PCDHGA2: variants seen among roughly 807,000 people sequenced by gnomAD.
PCDHGA2 encodes the protein protocadherin gamma-A2.
A neutral mutation model predicts 59.2 loss-of-function variants in PCDHGA2; 40 were observed. That is an observed-to-expected ratio of 0.68 (90% CI 0.52 to 0.88). PCDHGA2 has a LOEUF of 0.88. Ranked by LOEUF, PCDHGA2 falls within the 40% of genes least tolerant of loss-of-function variation. PCDHGA2 has a pLI of 0.00. For synonymous variants in PCDHGA2, 560 were observed against 526.0 expected (o/e 1.06, Z -0.89); for missense variants, 1,226 against 1,204.0 (o/e 1.02, Z -0.27).
chr5:141,491,564 G>A lies in PCDHGA2; in HGVS notation c.2425-3243G>A, dbSNP rs2099721154. On this transcript the variant is annotated intron_variant, in intron 1 of 3. Coordinates refer to ENST00000394576, the MANE Select transcript of PCDHGA2 (RefSeq NM_018915.4). The surrounding 1 kb of genome is among the most constrained non-coding windows in gnomAD (Gnocchi z 6.9). Reference sequence around the variant, plus strand: ...ACAGACTCGCAGAGCCACTGCTACAGGACGTGCTTTTCACCGGCCTCGGAC... The same window carrying A: ...ACAGACTCGCAGAGCCACTGCTACAAGACGTGCTTTTCACCGGCCTCGGAC... The A allele has an allele frequency of 3.1e-6, 5 of 1,613,878 alleles. No individual in the cohort carries two copies. Among genetic ancestry groups the A allele is most frequent in the Non-Finnish European group, 8.5e-7 (1 of 1,180,042 alleles).
intron 1 of PCDHGA2, chr5:141,388,455 T>C: frequency 6.2e-7 from 1 of 1,613,784 alleles, no homozygotes; most frequent in South Asian, 1.1e-5. Flanking sequence ...TGGCAGTAAA[T>C]ACCCTGAGAT....
chr5:141,399,682 G>A (rs778817737), intron 1 of PCDHGA2: 14 of 1,613,512 alleles, frequency 8.7e-6, no homozygotes, highest in Non-Finnish European at 1.2e-5. Flanking sequence ...CTTTGACTAC[G>A]AGCAGCTGCG....
chr5:141,405,238 C>T, intron 1 of PCDHGA2: 1 of 1,614,168 alleles, frequency 6.2e-7, no homozygotes, highest in African/African-American at 1.3e-5. Flanking sequence ...TCACCGCTGA[C>T]TCAAGGAAGA....
chr5:141,389,930 C>T (rs1255366269), intron 1 of PCDHGA2: 1 of 1,614,064 alleles, frequency 6.2e-7, no homozygotes. Context: ...CCTCTGACCT[C>T]CAGGCTGAGC....
chr5:141,400,965 CTCTT>C (rs2094096418), intron 1 of PCDHGA2, among the ~76,000 whole-genome samples: 1 of 151,032 alleles, frequency 6.6e-6, no homozygotes, highest in Non-Finnish European at 1.5e-5. Flanking sequence ...TAGTTTTCAT[CTCTT>C]TCTTATGTTC....
chr5:141,486,522 A>G lies in PCDHGA2; in HGVS notation c.2425-8285A>G. 1 of 1,614,174 alleles carries G rather than the reference A, an allele frequency of 6.2e-7. No homozygotes were observed. Among genetic ancestry groups the G allele is most frequent in the Non-Finnish European group, 8.5e-7 (1 of 1,180,024 alleles). On this transcript the variant is annotated intron_variant, in intron 1 of 3. Transcript: ENST00000394576. The surrounding 1 kb of genome is among the most constrained non-coding windows in gnomAD (Gnocchi z 5.0). The stretch of plus-strand genomic sequence containing the variant: ...TTCCTCAATATTTCAGATGTGAATG[A>G]TAATCCACCCTCTTTCTTTCAGAGG...
chr5:141,428,131 G>T, intron 1 of PCDHGA2: 1 of 1,602,720 alleles, frequency 6.2e-7, no homozygotes, highest in Non-Finnish European at 8.5e-7. Flanking sequence ...GGGCTTTTCA[G>T]CCTGGGGCTG....
At position 141,487,198 on chromosome 5, in the gene PCDHGA2, T is replaced by A; in HGVS notation, c.2425-7609T>A. The A allele has an allele frequency of 1.2e-6, 2 of 1,613,854 alleles. No individual in the cohort carries two copies. The highest frequency in any genetic ancestry group is 1.7e-6 in the Non-Finnish European group (2 of 1,179,722). ...AAGACACTCATCCAGTTGTCCCAGATCTTCGAGAATCTTCAGCTCCAAGGG... is the reference window on the plus strand; with the variant it reads ...AAGACACTCATCCAGTTGTCCCAGAACTTCGAGAATCTTCAGCTCCAAGGG... On this transcript the variant is annotated intron_variant, in intron 1 of 3. Transcript: ENST00000394576. The surrounding 1 kb of genome is among the most constrained non-coding windows in gnomAD (Gnocchi z 5.0).
Position 141,383,719 on chromosome 5 carries a change from A to C in PCDHGA2, c.2424+42324A>C, listed in dbSNP as rs779948364. The C allele has an allele frequency of 6.2e-6, 10 of 1,613,982 alleles. No individual in the cohort carries two copies. The East Asian group carries it at 2.2e-4, about 36-fold the overall frequency. ...TGCTATCGACCTGGACGAGGGAGTCAATGGGGAAGTGACATATTCTTTTCG... is the reference window on the plus strand; with the variant it reads ...TGCTATCGACCTGGACGAGGGAGTCCATGGGGAAGTGACATATTCTTTTCG... On this transcript the variant is annotated intron_variant, in intron 1 of 3. Transcript: ENST00000394576.
intron 1 of PCDHGA2, among the ~76,000 whole-genome samples, chr5:141,386,902 G>A (rs2090736648): frequency 6.6e-6 from 1 of 152,206 alleles, no homozygotes; most frequent in Non-Finnish European, 1.5e-5. Flanking sequence ...TCAATTCAGA[G>A]GTCACCAAGG....
chr5:141,439,190 CA>C (rs200519543), intron 1 of PCDHGA2, among the ~76,000 whole-genome samples: 2,445 of 111,432 alleles, frequency 0.022, 39 homozygotes, highest in African/African-American at 0.057. Flanking sequence ...GAGACTCTGA[CA>C]AAAAAAAAAA....
chr5:141,497,374 T>C (rs2099776044), intron 2 of PCDHGA2, among the ~76,000 whole-genome samples: 1 of 152,112 alleles, frequency 6.6e-6, no homozygotes, highest in Non-Finnish European at 1.5e-5. Flanking sequence ...ATGTGTCCTC[T>C]GGGGTGAGCA....
chr5:141,394,158 C>G lies in PCDHGA2; in HGVS notation c.2424+52763C>G, dbSNP rs777816337. 1.2e-5 allele frequency: 19 copies of G among 1,613,726 alleles called. No homozygotes were observed. The Admixed American group carries it at 2.0e-4, about 17-fold the overall frequency. On this transcript the variant is annotated intron_variant, in intron 1 of 3. Transcript: ENST00000394576. ...GCACGTGGCAGACATTAACGACAAC[C>G]CTCCTACTTTCCCTCATGCCTCCTA...
intron 3 of PCDHGA2, chr5:141,508,179 AG>A (rs1250335236): frequency 1.3e-5 from 2 of 152,326 alleles, no homozygotes; most frequent in Non-Finnish European, 2.9e-5. Flanking sequence ...ACAGGAGAGA[AG>A]GCATCACCCC....
chr5:141,393,453 G>A lies in PCDHGA2; in HGVS notation c.2424+52058G>A, dbSNP rs373805221. On this transcript the variant is annotated intron_variant, in intron 1 of 3. Coordinates refer to ENST00000394576, the MANE Select transcript of PCDHGA2 (RefSeq NM_018915.4). ...GGCTGCTCACCACCTGGTCCTCACGGCCTCGGATGGCGGCAAGCCGCCTCG... is the reference window on the plus strand; with the variant it reads ...GGCTGCTCACCACCTGGTCCTCACGACCTCGGATGGCGGCAAGCCGCCTCG... 113 of 1,613,920 alleles carry A rather than the reference G, an allele frequency of 7.0e-5. 1 individual carries two copies. The highest frequency in any genetic ancestry group is 8.9e-5 in the Non-Finnish European group (105 of 1,179,908).
intron 1 of PCDHGA2, chr5:141,418,561 T>C: frequency 1.2e-6 from 2 of 1,614,006 alleles, no homozygotes; most frequent in Non-Finnish European, 1.7e-6. Context: ...TGGTAATAGA[T>C]GCCAATGACA....
intron 1 of PCDHGA2, chr5:141,364,956 A>G: frequency 1.2e-6 from 2 of 1,613,264 alleles, no homozygotes; most frequent in Non-Finnish European, 1.7e-6. Flanking sequence ...ACTGTTCACG[A>G]CCTCCTCCTC....
rs777925358 is a variant in PCDHGA2 at position 141,477,657 on chromosome 5, G to T, written c.2425-17150G>T. ...GTGGGTCGCTATTTCACAATAAATC[G>T]TGACAATGGCATAGTGTCATCCTTA... On this transcript the variant is annotated intron_variant, in intron 1 of 3. Transcript: ENST00000394576. This position sits in a 1 kb window ranked among gnomAD's most constrained non-coding sequence, Gnocchi z 4.9. 6.8e-6 allele frequency: 11 copies of T among 1,614,072 alleles called. No individual in the cohort carries two copies. Among genetic ancestry groups the T allele is most frequent in the South Asian group, 2.2e-5 (2 of 91,090 alleles).
chr5:141,478,428 C>T (rs2154576655), intron 1 of PCDHGA2: 1 of 1,613,746 alleles, frequency 6.2e-7, no homozygotes, highest in Non-Finnish European at 8.5e-7. Flanking sequence ...CGCAGCGACC[C>T]GCTGCTGAAG....
Sources: gnomAD v4.1 joint callset for allele counts (sites outside exome capture counted in the v4.1 genomes callset) on GRCh38, gnomAD v4.1.1 for gene constraint, Gnocchi (gnomAD v3.1) non-coding constraint, MANE v1.5 for transcripts, NCBI Gene and HGNC (gene_info 2026-07-23, HGNC 2026-07-21) for gene names.